Variants in LRP1B observed in about 807,000 individuals in gnomAD.
LRP1B encodes the protein low-density lipoprotein receptor-related protein 1B.
In LRP1B, 217 loss-of-function variants were observed where a neutral mutation model predicts 556.6. That is an observed-to-expected ratio of 0.39 (90% confidence interval 0.35 to 0.44). LRP1B has a LOEUF of 0.44. Ranked by LOEUF, LRP1B falls within the 20% of genes least tolerant of loss-of-function variation. LRP1B has a pLI of 1.00. For missense variants in LRP1B, 5,053 were observed against 5,620.8 expected, an observed-to-expected ratio of 0.90 and a Z score of 3.23; for synonymous variants, 2,047 against 1,865.8, an observed-to-expected ratio of 1.10 and a Z score of -2.50.
chr2:141,487,888 C>T (rs982606383), intron 2 of LRP1B, among the ~76,000 whole-genome samples: 27 of 152,188 alleles, frequency 1.8e-4, no homozygotes, highest in African/African-American at 5.5e-4. Context: ...TGTCTAAACT[C>T]GCATAAAGTA....
chr2:141,861,415 TA>T (rs1283885465), intron 1 of LRP1B, among the ~76,000 whole-genome samples: 2 of 152,176 alleles, frequency 1.3e-5, no homozygotes, highest in Non-Finnish European at 1.5e-5. Context: ...ATTCCAGCAG[TA>T]CCCAGAACTG....
At chr2:142,011,544 G>C (rs967959429) in intron 1 of LRP1B, among the ~76,000 whole-genome samples, 1 of 152,108 alleles carries the variant, frequency 6.6e-6, no homozygotes, top group Non-Finnish European at 1.5e-5. Context: ...ACTATTGATA[G>C]CTTTTTAATT....
At chr2:141,425,407 T>C (rs1409254833) in intron 3 of LRP1B, among the ~76,000 whole-genome samples, 1 of 150,186 alleles carries the variant, frequency 6.7e-6, no homozygotes, top group African/African-American at 2.5e-5. Flanking sequence ...TATAGCAGCA[T>C]GACTTATATT....
In LRP1B at chr2:140,850,091, G is replaced by A. The variant is rs199550869; in HGVS notation, c.4939+11C>T. The A allele has an allele frequency of 2.2e-5, 34 of 1,523,396 alleles. No homozygotes were observed. Among genetic ancestry groups the A allele is most frequent in the Middle Eastern group, 3.4e-4 (2 of 5,800 alleles). The allele number at this position is 1,523,396 out of a possible 1,614,324, so 94.4% of individuals were successfully genotyped here. ...ACACTTTTAAAGTTGTAACATGTAC[G>A]AATCTTTTACCTCTTGAAATAACAG... On this transcript the variant is annotated intron_variant, in intron 29 of 90. Coordinates refer to ENST00000389484, the MANE Select transcript of LRP1B (RefSeq NM_018557.3).
chr2:140,719,900 C>T (rs906875264), intron 35 of LRP1B, among the ~76,000 whole-genome samples: 1 of 152,024 alleles, frequency 6.6e-6, no homozygotes, highest in Non-Finnish European at 1.5e-5. Context: ...CCCACACAAA[C>T]ACACACTAGA....
intron 43 of LRP1B, among the ~76,000 whole-genome samples, chr2:140,568,200 C>CAA (rs56676136): frequency 0.012 from 1,476 of 123,638 alleles, 16 homozygotes; most frequent in African/African-American, 0.034. Flanking sequence ...CACCATGGTC[C>CAA]AAAAAAAAAA....
chr2:142,033,964 T>G (rs771433005), intron 1 of LRP1B, among the ~76,000 whole-genome samples: 1 of 151,822 alleles, frequency 6.6e-6, no homozygotes, highest in Non-Finnish European at 1.5e-5. Flanking sequence ...TCCAGAGGCA[T>G]CACATGAAGC....
chr2:140,813,939 T>C, intron 31 of LRP1B, 133 bp from the exon 32 acceptor site: 1 of 644,540 alleles, frequency 1.6e-6, no homozygotes, highest in Non-Finnish European at 2.7e-6. Flanking sequence ...AAGATCTGGC[T>C]AATAGGGAAA....
intron 3 of LRP1B, among the ~76,000 whole-genome samples, chr2:141,395,379 T>C (rs767496936): frequency 2.6e-5 from 4 of 152,146 alleles, no homozygotes; most frequent in Non-Finnish European, 4.4e-5. Flanking sequence ...ATTATTTTGT[T>C]ACATTTGCTT....
chr2:141,667,062 G>A (rs1459272753), intron 2 of LRP1B, among the ~76,000 whole-genome samples: 7 of 152,068 alleles, frequency 4.6e-5, no homozygotes, highest in Admixed American at 4.6e-4. Flanking sequence ...AAGTTCCTGA[G>A]GGAAAGAGCC....
chr2:141,687,889 T>G (rs1691369069), intron 2 of LRP1B, among the ~76,000 whole-genome samples: 1 of 147,244 alleles, frequency 6.8e-6, no homozygotes, highest in Admixed American at 6.9e-5. Context: ...ATTCAGGAAT[T>G]TGGACATTTT....
At chr2:140,559,384 C>CA (rs1390036007) in intron 43 of LRP1B, among the ~76,000 whole-genome samples, 1 of 151,620 alleles carries the variant, frequency 6.6e-6, no homozygotes, top group Non-Finnish European at 1.5e-5. Flanking sequence ...AAAAGTTCCA[C>CA]AAAAAGTTAT....
At chr2:140,462,349 T>C (rs941423097) in intron 60 of LRP1B, among the ~76,000 whole-genome samples, 1 of 152,182 alleles carries the variant, frequency 6.6e-6, no homozygotes, top group Non-Finnish European at 1.5e-5. Flanking sequence ...CTTTAAATGA[T>C]AGTTGCAGAG....
intron 3 of LRP1B, among the ~76,000 whole-genome samples, chr2:141,325,223 A>AACC (rs1221620219): frequency 6.6e-6 from 1 of 151,616 alleles, no homozygotes; most frequent in African/African-American, 2.4e-5. Context: ...AATTATCCAC[A>AACC]AGGAAGACTA....
At chr2:141,032,840 T>TATATATATATATATATATAG (rs1698416247) in intron 11 of LRP1B, among the ~76,000 whole-genome samples, 1 of 149,608 alleles carries the variant, frequency 6.7e-6, no homozygotes, top group Non-Finnish European at 1.5e-5. Flanking sequence ...TATATATATA[T>TATATATATATATATATATAG]GCAGGCATAT....
chr2:140,915,837 G>T (rs1336781089), intron 21 of LRP1B, among the ~76,000 whole-genome samples: 1 of 151,808 alleles, frequency 6.6e-6, no homozygotes, highest in Non-Finnish European at 1.5e-5. Flanking sequence ...GACCATCCTG[G>T]GGAACATGGT....
chr2:140,749,597 T>C (rs1688501144), intron 35 of LRP1B, among the ~76,000 whole-genome samples: 1 of 152,190 alleles, frequency 6.6e-6, no homozygotes, highest in Non-Finnish European at 1.5e-5. Context: ...TATCACTGAC[T>C]TCCACCTGCA....
At chr2:140,639,929 C>A (rs1684215383) in intron 41 of LRP1B, among the ~76,000 whole-genome samples, 1 of 152,122 alleles carries the variant, frequency 6.6e-6, no homozygotes, top group Admixed American at 6.5e-5. Context: ...ACTTGCTGTT[C>A]TTCCTGGAGC....
chr2:140,603,205 T>A (rs776750498), intron 41 of LRP1B, among the ~76,000 whole-genome samples: 7 of 151,898 alleles, frequency 4.6e-5, no homozygotes, highest in Non-Finnish European at 8.8e-5. Context: ...TTAATGAGGG[T>A]GATTAGTATG....
Sources: gnomAD v4.1 joint callset for allele counts (sites outside exome capture counted in the v4.1 genomes callset) on GRCh38, gnomAD v4.1.1 for gene constraint, MANE v1.5 for transcripts, NCBI Gene and HGNC (gene_info 2026-07-23, HGNC 2026-07-21) for gene names.